CBLC: variants seen among roughly 807,000 people sequenced by gnomAD.
CBLC encodes the protein E3 ubiquitin-protein ligase CBL-C.
In CBLC, 46 loss-of-function variants were observed where a neutral mutation model predicts 58.6. That is an observed-to-expected ratio of 0.79 (90% CI 0.62 to 1.00). The LOEUF is 1.00. Among genes scored for constraint, CBLC ranks in the 50% least tolerant of loss-of-function variants. The pLI, the probability that CBLC is intolerant of heterozygous loss-of-function variation, is 0.00. For missense variants in CBLC, 655 were observed against 625.8 expected (o/e 1.05, Z -0.50); for synonymous variants, 271 against 264.2 (o/e 1.03, Z -0.25).
chr19:44,791,319 A>AG (rs1968042269), intron 6 of CBLC, among the ~76,000 whole-genome samples: 1 of 151,954 alleles, frequency 6.6e-6, no homozygotes, highest in African/African-American at 2.4e-5. Context: ...AAAAAAAAAA[A>AG]AAAGAAAGAA....
intron 5 of CBLC, among the ~76,000 whole-genome samples, chr19:44,784,952 T>TGTTG (rs1412927402): frequency 1.3e-5 from 1 of 79,516 alleles, no homozygotes; most frequent in Non-Finnish European, 2.3e-5. Flanking sequence ...AGACAGGTGT[T>TGTTG]TTTTTTTTTT....
rs1310746407 is a variant in CBLC, at chr19:44,799,572, T to C, written c.1363-809T>C. ...GTCTCAAACTCCTGACCTCAGGTGA[T>C]CCACCCACCTCGGCCTCCCAAAGTG... On this transcript the variant is annotated intron_variant, in intron 9 of 10. Coordinates refer to ENST00000647358, the MANE Select transcript of CBLC (RefSeq NM_012116.4). Among the ~76,000 whole-genome samples the C allele has an allele frequency of 2.0e-5, 3 of 152,086 alleles. No homozygotes were observed. The East Asian group carries it at 5.8e-4, about 29-fold the overall frequency.
At chr19:44,789,409 C>T (rs1297834209) in intron 5 of CBLC, among the ~76,000 whole-genome samples, 3 of 145,740 alleles carry the variant, frequency 2.1e-5, no homozygotes, top group Non-Finnish European at 4.6e-5. Context: ...GAGATTTTCC[C>T]TTTTTTTTTT....
intron 1 of CBLC, among the ~76,000 whole-genome samples, chr19:44,780,196 G>A (rs1014632466): frequency 1.1e-4 from 17 of 151,010 alleles, no homozygotes; most frequent in South Asian, 8.4e-4. Context: ...GTGCAGTGGC[G>A]CAATTTTGAC....
In CBLC at chr19:44,778,110, A is replaced by G; in HGVS notation, c.179A>G (p.His60Arg). The G allele has an allele frequency of 6.2e-7, 1 of 1,601,280 alleles. No homozygotes were observed. The highest frequency in any genetic ancestry group is 8.5e-7 in the Non-Finnish European group (1 of 1,176,664). ...GCGCAGCTGCTTCGAGAGGTGGCCC[A>G]TTCTCGGCGGGCGGCCGGCGGAGGC... is the stretch of plus-strand genomic sequence containing the variant. Reference protein sequence around the residue: ...RTAQLLREVAHSRRAAGGGGP... With the variant: ...RTAQLLREVARSRRAAGGGGP... Residue 60 changes from histidine (H) to arginine (R), a missense_variant, in exon 1 of 11, where the codon CAT (histidine) becomes CGT (arginine). Physicochemically the swap from His to Arg is conservative, Grantham distance 29 (BLOSUM62 0). Coordinates refer to ENST00000647358, the MANE Select transcript of CBLC (RefSeq NM_012116.4).
intron 8 of CBLC, chr19:44,793,998 A>G (rs1968124329): frequency 2.8e-6 from 1 of 355,078 alleles, no homozygotes; most frequent in African/African-American, 2.2e-5. Flanking sequence ...CTCAGGTCCT[A>G]GGGAACTGGT....
intron 9 of CBLC, among the ~76,000 whole-genome samples, chr19:44,796,289 C>T (rs1337594180): frequency 6.6e-6 from 1 of 152,140 alleles, no homozygotes; most frequent in Non-Finnish European, 1.5e-5. Context: ...GGTGACAGTA[C>T]CTGCCCAAAA....
Position 44,790,364 on chromosome 19 carries a change from G to A in CBLC, c.1005+273G>A, listed in dbSNP as rs574822899. On this transcript the variant is annotated intron_variant, in intron 6 of 10. Coordinates refer to ENST00000647358, the MANE Select transcript of CBLC (RefSeq NM_012116.4). Reference sequence around the variant, plus strand: ...TCGAGCATTTGCCAGCAATAGCCCCGTGCCAGCTCCTAATCTTCACAGCCA... The same window carrying A: ...TCGAGCATTTGCCAGCAATAGCCCCATGCCAGCTCCTAATCTTCACAGCCA... Among the ~76,000 whole-genome samples the A allele has an allele frequency of 1.8e-3, 274 of 152,254 alleles. 2 individuals carry two copies. The highest frequency in any genetic ancestry group is 6.5e-3 in the African/African-American group (268 of 41,542).
In CBLC at chr19:44,784,950, GTTTTTTTTTTT is replaced by G. The variant is rs58171575; in HGVS notation, c.917+578_917+588del. Among the ~76,000 whole-genome samples, 206 of 34,368 alleles carry G rather than the reference GTTTTTTTTTTT, an allele frequency of 6.0e-3. 9 individuals are homozygous for G. The highest frequency in any genetic ancestry group is 0.02 in the Middle Eastern group (1 of 50). 22.5% of individuals were successfully genotyped at this position (34,368 alleles called of 152,430 possible). On this transcript the variant is annotated intron_variant, in intron 5 of 10. Transcript: ENST00000647358. ...GAACTGGAGAACTTGCTAGACAGGT[GTTTTTTTTTTT>G]TTTTTTTTTTTTTTTTTTTTTTTTT...
chr19:44,780,284 G>A (rs957510362), intron 1 of CBLC, among the ~76,000 whole-genome samples: 3 of 151,494 alleles, frequency 2.0e-5, no homozygotes, highest in Admixed American at 6.6e-5. Context: ...ACAGGCACCC[G>A]CCACCACGCA....
At position 44,796,377 on chromosome 19, in the gene CBLC, T is replaced by A. The variant is rs540687219; in HGVS notation, c.1362+2096T>A. 2.3e-4 allele frequency among the ~76,000 whole-genome samples: 35 copies of A among 152,194 alleles called. No individual in the cohort carries two copies. In the South Asian group the frequency reaches 7.0e-3, roughly 31 times the overall value. On this transcript the variant is annotated intron_variant, in intron 9 of 10. Coordinates refer to ENST00000647358, the MANE Select transcript of CBLC (RefSeq NM_012116.4). The stretch of plus-strand genomic sequence containing the variant: ...ACCATCTACTTATTTTTTTGTTGTT[T>A]CTTTGTTTGTTTGTTTTTCTTTTGA...
intron 7 of CBLC, among the ~76,000 whole-genome samples, chr19:44,793,268 C>T (rs1255836272): frequency 1.3e-5 from 2 of 152,142 alleles, no homozygotes; most frequent in Non-Finnish European, 1.5e-5. Flanking sequence ...CTCCTGACCT[C>T]GGCTCTGGTT....
chr19:44,790,120 C>T, intron 6 of CBLC, 29 bp downstream of exon 6: 2 of 1,568,744 alleles, frequency 1.3e-6, no homozygotes, highest in Non-Finnish European at 1.8e-6. Context: ...CCCGCAGTCC[C>T]AGTTCCCTGA....
At position 44,789,887 on chromosome 19, in the gene CBLC, G is replaced by C. The variant is rs1433543980; in HGVS notation, c.918-117G>C. The C allele has an allele frequency of 4.1e-6, 3 of 734,820 alleles. No individual in the cohort carries two copies. In the African/African-American group the frequency reaches 5.2e-5, roughly 13 times the overall value. The allele number at this position is 734,820 out of a possible 1,614,324, so 45.5% of individuals were successfully genotyped here. ...ATAAGCCCAGGCCAGCAATGGATTTGGGACAGATCCTCAACTCAGGGAAAT... is the reference window on the plus strand; with the variant it reads ...ATAAGCCCAGGCCAGCAATGGATTTCGGACAGATCCTCAACTCAGGGAAAT... On this transcript the variant is annotated intron_variant, in intron 5 of 10. Transcript: ENST00000647358.
In CBLC at chr19:44,793,602, G is replaced by T; in HGVS notation, c.1266G>T (p.Arg422Ser). The T allele has an allele frequency of 6.2e-7, 1 of 1,604,658 alleles. No homozygotes were observed. The highest frequency in any genetic ancestry group is 8.5e-7 in the Non-Finnish European group (1 of 1,176,730). The change falls in exon 8 of 11, where the codon AGG becomes AGT. Residue 422 changes from arginine to serine, a missense_variant. Transcript: ENST00000647358. ...GGAACAGCAGTGACCAGGAAGGCAG[G>T]GAGTTGGAGCTGGGGCAGGTGAGCA... Reference protein sequence around the residue: ...DSGNSSDQEGRELELGQVPLS... With the variant: ...DSGNSSDQEGSELELGQVPLS...
At chr19:44,781,140 T>C (rs530653216) in intron 2 of CBLC, 67 bp from the exon 3 acceptor site, 241 of 1,574,270 alleles carry the variant, frequency 1.5e-4, no homozygotes, top group Non-Finnish European at 1.5e-4. Context: ...GCTTCTTTCC[T>C]GGAGACCCTC....
chr19:44,790,214 T>C (rs1269904723), intron 6 of CBLC, 123 bp downstream of exon 6: 3 of 727,366 alleles, frequency 4.1e-6, no homozygotes, highest in Non-Finnish European at 7.4e-6. Context: ...GGTAAATCAC[T>C]TGACCTCTCT....
chr19:44,788,099 C>T (rs1239446769), intron 5 of CBLC, among the ~76,000 whole-genome samples: 1 of 151,660 alleles, frequency 6.6e-6, no homozygotes, highest in Admixed American at 6.6e-5. Context: ...ACCTGGCCAG[C>T]GCTTCATGTT....
At position 44,800,398 on chromosome 19, in the gene CBLC, C is replaced by T. The variant is rs754656011; in HGVS notation, c.1380C>T (p.Asn460=). 6 of 1,612,768 alleles carry T rather than the reference C, an allele frequency of 3.7e-6. No individual in the cohort carries two copies. In the South Asian group the frequency reaches 6.6e-5, roughly 18 times the overall value. ...AQPKVRLLKG[N]SPPAALGPQD... Reference sequence around the variant, plus strand: ...CATTGCAGAGACTCCTAAAGGGGAACTCCCCTCCAGCTGCGCTGGGACCCC... The same window carrying T: ...CATTGCAGAGACTCCTAAAGGGGAATTCCCCTCCAGCTGCGCTGGGACCCC... Residue 460 remains asparagine (N), a synonymous_variant, in exon 10 of 11, where the codon AAC becomes AAT. Transcript: ENST00000647358.
Sources: allele counts gnomAD v4.1 joint callset (sites outside exome capture counted in the v4.1 genomes callset), GRCh38; gene constraint gnomAD v4.1.1; transcripts MANE v1.5; gene names NCBI Gene and HGNC (gene_info 2026-07-23, HGNC 2026-07-21).